Variants in ARHGEF3 observed in about 807,000 individuals in gnomAD.
The protein encoded by ARHGEF3 is 59.8 kDA protein.
A neutral mutation model predicts 63.2 loss-of-function variants in ARHGEF3; 28 were observed. The ratio of observed to expected loss-of-function variants is 0.44; its 90% CI spans 0.33 to 0.61. The LOEUF (loss-of-function observed/expected upper bound fraction) is 0.61. ARHGEF3 is among the 20% of genes least tolerant of loss of function. The probability of loss-of-function intolerance (pLI) is 0.03; values close to 1 mark genes in which losing one functional copy is unlikely to be tolerated. For synonymous variants in ARHGEF3, 266 were observed against 254.2 expected (o/e 1.05, Z -0.44); for missense variants, 533 against 659.3 (o/e 0.81, Z 2.10).
chr3:57,030,688 C>G (rs1382937034), intron 2 of ARHGEF3, among the ~76,000 whole-genome samples: 1 of 152,174 alleles, frequency 6.6e-6, no homozygotes, highest in East Asian at 1.9e-4. Flanking sequence ...TCTGTTGCCA[C>G]ACAGCTGAGG....
chr3:56,778,137 A>G (rs2107859803), intron 1 of ARHGEF3, among the ~76,000 whole-genome samples: 1 of 152,350 alleles, frequency 6.6e-6, no homozygotes, highest in Admixed American at 6.5e-5. Context: ...AAACTCTAGC[A>G]TAAACAAATA....
At chr3:56,764,756 ATTT>A (rs199973461) in intron 2 of ARHGEF3, among the ~76,000 whole-genome samples, 4 of 142,274 alleles carry the variant, frequency 2.8e-5, no homozygotes, top group African/African-American at 7.8e-5. Context: ...TAGTCAACAA[ATTT>A]TTTTTTTTTT....
chr3:57,034,581 G>A (rs1354694152), intron 2 of ARHGEF3, among the ~76,000 whole-genome samples: 2 of 151,492 alleles, frequency 1.3e-5, no homozygotes, highest in African/African-American at 2.4e-5. Flanking sequence ...CTCTGGCAGA[G>A]ACGTGAAAGA....
chr3:56,949,406 TAAGCTGATAGGC>T (rs1418623349), intron 3 of ARHGEF3, among the ~76,000 whole-genome samples: 6 of 151,936 alleles, frequency 3.9e-5, no homozygotes, highest in Non-Finnish European at 7.4e-5. Context: ...AAAATCTCCT[TAAGCTGATAGGC>T]AACTTCAGCA....
chr3:56,937,956 C>T (rs1698982517), intron 3 of ARHGEF3, among the ~76,000 whole-genome samples: 1 of 152,200 alleles, frequency 6.6e-6, no homozygotes, highest in African/African-American at 2.4e-5. Flanking sequence ...CTCATTCCCC[C>T]TTTTCTCTAA....
intron 2 of ARHGEF3, among the ~76,000 whole-genome samples, chr3:57,004,881 GC>G (rs1434517545): frequency 6.6e-6 from 1 of 152,146 alleles, no homozygotes; most frequent in East Asian, 1.9e-4. Context: ...GATCACTTGA[GC>G]CCAGGAGTTT....
chr3:56,775,773 T>A, intron 1 of ARHGEF3: 2 of 596,688 alleles, frequency 3.4e-6, no homozygotes, highest in South Asian at 7.5e-5. Flanking sequence ...ACTAGCGTAC[T>A]GAATACACAC....
intron 3 of ARHGEF3, chr3:56,916,288 G>A: frequency 2.0e-6 from 3 of 1,534,250 alleles, no homozygotes; most frequent in Non-Finnish European, 2.6e-6. Flanking sequence ...CCCATCCCAG[G>A]CTCAGCAGCA....
chr3:56,794,575 A>T (rs935558778), intron 1 of ARHGEF3, among the ~76,000 whole-genome samples: 1 of 151,382 alleles, frequency 6.6e-6, no homozygotes, highest in Non-Finnish European at 1.5e-5. Flanking sequence ...TTTTCTCATC[A>T]TCTATACTGA....
intron 2 of ARHGEF3, chr3:57,007,336 C>A: frequency 2.3e-6 from 3 of 1,289,708 alleles, no homozygotes; most frequent in Non-Finnish European, 3.0e-6. Flanking sequence ...CTCCAACAGC[C>A]CTGAAGGAAA....
chr3:56,903,253 T>C (rs1003381666), intron 3 of ARHGEF3, among the ~76,000 whole-genome samples: 4 of 152,090 alleles, frequency 2.6e-5, no homozygotes, highest in Non-Finnish European at 4.4e-5. Flanking sequence ...ATTGGCAAAA[T>C]TGAAAAGTCT....
chr3:56,773,670 T>TGA, intron 2 of ARHGEF3, 39 bp downstream of exon 2: 1 of 1,506,512 alleles, frequency 6.6e-7, no homozygotes. Flanking sequence ...CCGTACACCA[T>TGA]GATTTTCTGC....
chr3:57,056,176 A>T (rs932118695), intron 1 of ARHGEF3, among the ~76,000 whole-genome samples: 5 of 152,074 alleles, frequency 3.3e-5, no homozygotes, highest in Admixed American at 3.3e-4. Context: ...TCCCGAGATC[A>T]GAAGATCGAG....
chr3:56,980,263 C>T (rs1342025355), intron 2 of ARHGEF3, among the ~76,000 whole-genome samples: 2 of 152,154 alleles, frequency 1.3e-5, no homozygotes, highest in African/African-American at 4.8e-5. Flanking sequence ...AAAGCCTAGC[C>T]CACTTAAACA....
At chr3:57,003,997 G>A (rs1702367022) in intron 2 of ARHGEF3, among the ~76,000 whole-genome samples, 1 of 152,208 alleles carries the variant, frequency 6.6e-6, no homozygotes, top group Non-Finnish European at 1.5e-5. Flanking sequence ...ATTTGTTACA[G>A]CAGCCACTGG....
chr3:56,731,900 G>C (rs923971980), intron 9 of ARHGEF3: 1 of 486,714 alleles, frequency 2.1e-6, no homozygotes, highest in East Asian at 3.5e-5. Flanking sequence ...CATCCATGTA[G>C]GGACTATCTG....
At chr3:57,045,088 G>A (rs1704389689) in intron 1 of ARHGEF3, among the ~76,000 whole-genome samples, 1 of 152,154 alleles carries the variant, frequency 6.6e-6, no homozygotes, top group African/African-American at 2.4e-5. Context: ...CCAACAGGGT[G>A]AAACCTCATC....
At position 56,737,677 on chromosome 3, in the gene ARHGEF3, C is replaced by T. The variant is rs568157461; in HGVS notation, c.871-322G>A. ...ACTCCAGGCTGCATATTTCTTAAAACGTGCTCACAATGTTGAAAATGTAGC... is the reference window on the plus strand; with the variant it reads ...ACTCCAGGCTGCATATTTCTTAAAATGTGCTCACAATGTTGAAAATGTAGC... On this transcript the variant is annotated intron_variant, in intron 7 of 9. Coordinates refer to ENST00000296315, the MANE Select transcript of ARHGEF3 (RefSeq NM_019555.3). Among the ~76,000 whole-genome samples the T allele has an allele frequency of 8.6e-4, 131 of 152,190 alleles. 2 individuals carry two copies. Among genetic ancestry groups the T allele is most frequent in the African/African-American group, 3.0e-3 (126 of 41,510 alleles).
At chr3:57,048,632 C>A (rs1268273001) in intron 1 of ARHGEF3, among the ~76,000 whole-genome samples, 12 of 152,128 alleles carry the variant, frequency 7.9e-5, no homozygotes, top group Non-Finnish European at 1.5e-4. Flanking sequence ...CCCACGCCCC[C>A]CTCCTCCTTA....
Sources: allele counts gnomAD v4.1 joint callset (sites outside exome capture counted in the v4.1 genomes callset), GRCh38; gene constraint gnomAD v4.1.1; transcripts MANE v1.5; gene names NCBI Gene and HGNC (gene_info 2026-07-23, HGNC 2026-07-21).